PTPRT: variants seen among roughly 807,000 people sequenced by gnomAD.
PTPRT encodes receptor-type tyrosine-protein phosphatase T.
A neutral mutation model predicts 176.8 loss-of-function variants in PTPRT; 56 were observed. The observed-to-expected ratio is 0.32, with a 90% CI of 0.26 to 0.40. PTPRT has a LOEUF of 0.40. Ranked by LOEUF, PTPRT falls within the 10% of genes least tolerant of loss-of-function variation. PTPRT has a pLI of 1.00. For synonymous variants in PTPRT, 783 were observed against 739.0 expected, an observed-to-expected ratio of 1.06 and a Z score of -0.96; for missense variants, 1,540 against 1,908.2, an observed-to-expected ratio of 0.81 and a Z score of 3.60.
At chr20:42,322,131 C>T (rs867739295) in intron 11 of PTPRT, among the ~76,000 whole-genome samples, 36 of 152,178 alleles carry the variant, frequency 2.4e-4, no homozygotes, top group African/African-American at 8.7e-4. Context: ...AATGGAAGAA[C>T]ATTCCATGCT....
Position 42,115,374 on chromosome 20 carries a change from A to G in PTPRT, c.2983-59T>C, listed in dbSNP as rs1046912053. 12 of 1,286,094 alleles carry G rather than the reference A, an allele frequency of 9.3e-6. No individual in the cohort carries two copies. The South Asian group carries it at 1.2e-4, about 13-fold the overall frequency. 79.7% of individuals were successfully genotyped at this position (1,286,094 alleles called of 1,614,324 possible). On this transcript the variant is annotated intron_variant, in intron 21 of 30. Coordinates refer to ENST00000373187, the MANE Select transcript of PTPRT (RefSeq NM_007050.6). ...AACAGAGACAAGGATGCATAAGCAC[A>G]TGGCTGAGTGTGAGCAGCTGTCTCA...
chr20:42,724,259 C>T (rs569068038), intron 6 of PTPRT, among the ~76,000 whole-genome samples: 1 of 152,294 alleles, frequency 6.6e-6, no homozygotes, highest in East Asian at 1.9e-4. Context: ...AATGCATCAA[C>T]ACCAGCTGTG....
chr20:42,120,109 G>T, intron 19 of PTPRT, 138 bp from the exon 20 acceptor site: 1 of 696,014 alleles, frequency 1.4e-6, no homozygotes, highest in Admixed American at 3.1e-5. Flanking sequence ...CCAGAGAAGT[G>T]GCAAAGGTTA....
rs1292325146 is a variant in PTPRT at position 42,073,051 on chromosome 20, T to G, written c.*7828A>C. On this transcript the variant is annotated 3_prime_UTR_variant, in exon 31 of 31. Transcript: ENST00000373187. ...TTTTGTTTTCTCTTCTCATACGTGC[T>G]TTATCTATCAAACACCCAAACTGTA... 1 of 219,706 alleles carries G rather than the reference T, an allele frequency of 4.6e-6. No homozygotes were observed. The highest frequency in any genetic ancestry group is 5.8e-5 in the Admixed American group (1 of 17,234). The allele number at this position is 219,706 out of a possible 1,614,324, so 13.6% of individuals were successfully genotyped here. A position where few individuals can be genotyped will look rare whatever the true frequency, so the allele number is the denominator to read the frequency against.
intron 17 of PTPRT, among the ~76,000 whole-genome samples, chr20:42,150,418 G>T (rs6030002): frequency 0.13 from 20,345 of 152,170 alleles, 3,489 homozygotes; most frequent in African/African-American, 0.4. Flanking sequence ...CCTGGCTGAT[G>T]CTCCAGGGCA....
chr20:43,184,777 A>G (rs573572462), intron 1 of PTPRT, among the ~76,000 whole-genome samples: 2 of 151,882 alleles, frequency 1.3e-5, no homozygotes, highest in East Asian at 1.9e-4. Context: ...CCCATTTTTC[A>G]TGGTTGACTT....
chr20:42,573,435 G>A (rs1405931418), intron 7 of PTPRT, among the ~76,000 whole-genome samples: 1 of 152,214 alleles, frequency 6.6e-6, no homozygotes, highest in African/African-American at 2.4e-5. Context: ...GCTCCAGAGA[G>A]GGATTGTCCT....
intron 9 of PTPRT, among the ~76,000 whole-genome samples, chr20:42,394,042 C>CTT (rs200838113): frequency 1.2e-4 from 16 of 138,522 alleles, no homozygotes; most frequent in East Asian, 1.1e-3. Context: ...TGTGACAGGT[C>CTT]TTTTTTTTTT....
the PTPRT span, among the ~76,000 whole-genome samples, chr20:42,066,621 C>A: frequency 6.6e-6 from 1 of 152,122 alleles, no homozygotes; most frequent in African/African-American, 2.4e-5. Flanking sequence ...ACTACCTGCT[C>A]TTGTATCTTT....
chr20:42,904,807 G>T (rs1236250423), intron 1 of PTPRT, among the ~76,000 whole-genome samples: 1 of 152,062 alleles, frequency 6.6e-6, no homozygotes, highest in Non-Finnish European at 1.5e-5. Context: ...ACAGAAACAA[G>T]AAATGGGGAA....
At chr20:43,183,120 G>T (rs1468365633) in intron 1 of PTPRT, among the ~76,000 whole-genome samples, 1 of 152,164 alleles carries the variant, frequency 6.6e-6, no homozygotes, top group Non-Finnish European at 1.5e-5. Context: ...TCCTTGTCAA[G>T]ACTTGATAGT....
At chr20:42,139,800 A>T (rs1258386656) in intron 18 of PTPRT, among the ~76,000 whole-genome samples, 5 of 152,250 alleles carry the variant, frequency 3.3e-5, no homozygotes, top group African/African-American at 1.2e-4. Context: ...TGGGGACCAG[A>T]CAGGGCAAGC....
At chr20:42,064,823 G>A in the PTPRT span, among the ~76,000 whole-genome samples, 1 of 152,152 alleles carries the variant, frequency 6.6e-6, no homozygotes, top group Admixed American at 6.5e-5. Flanking sequence ...TTGAATCACT[G>A]CTGACCTCAG....
At chr20:43,042,715 A>ACCCGCCATCTCTCCTCCCC (rs1986662835) in intron 1 of PTPRT, among the ~76,000 whole-genome samples, 1 of 22,254 alleles carries the variant, frequency 4.5e-5, no homozygotes, top group Non-Finnish European at 9.9e-5. Context: ...CCACCCTCCC[A>ACCCGCCATCTCTCCTCCCC]CCCGCCATCT....
chr20:42,154,782 C>G (rs1217889380), intron 17 of PTPRT, among the ~76,000 whole-genome samples: 1 of 152,182 alleles, frequency 6.6e-6, no homozygotes, highest in Non-Finnish European at 1.5e-5. Flanking sequence ...ACTCGGCTCT[C>G]CAGCCCACAT....
the PTPRT span, among the ~76,000 whole-genome samples, chr20:42,034,452 A>G: frequency 6.6e-6 from 1 of 152,150 alleles, no homozygotes; most frequent in Non-Finnish European, 1.5e-5. Context: ...TAAGGATAAA[A>G]GTTCACAGCC....
intron 1 of PTPRT, among the ~76,000 whole-genome samples, chr20:43,041,243 C>G (rs1302067505): frequency 6.6e-6 from 1 of 152,188 alleles, no homozygotes; most frequent in Non-Finnish European, 1.5e-5. Context: ...GTTTGGCAAA[C>G]CATGGTCATA....
At chr20:42,397,208 G>A (rs927891613) in intron 9 of PTPRT, among the ~76,000 whole-genome samples, 2 of 152,178 alleles carry the variant, frequency 1.3e-5, no homozygotes, top group East Asian at 1.9e-4. Context: ...TGAAAATATT[G>A]CGTTAATTAA....
chr20:43,000,837 T>A (rs77507443), intron 1 of PTPRT, among the ~76,000 whole-genome samples: 1,745 of 152,002 alleles, frequency 0.011, 47 homozygotes, highest in African/African-American at 0.04. Flanking sequence ...GAAAGTCTAA[T>A]TGTGACTATT....
Sources: gnomAD v4.1 joint callset for allele counts (sites outside exome capture counted in the v4.1 genomes callset) on GRCh38, gnomAD v4.1.1 for gene constraint, MANE v1.5 for transcripts, NCBI Gene and HGNC (gene_info 2026-07-23, HGNC 2026-07-21) for gene names.